The following ALDH1L2 variants were observed in gnomAD, a reference collection of about 807,000 sequenced individuals.
ALDH1L2 encodes mitochondrial 10-formyltetrahydrofolate dehydrogenase.
In ALDH1L2, 91 loss-of-function variants were observed where a neutral mutation model predicts 111.0. The observed-to-expected ratio is 0.82, with a 90% CI of 0.69 to 0.98. The LOEUF is 0.98. ALDH1L2 is among the 50% of genes least tolerant of loss of function. The pLI is 0.00. For missense variants in ALDH1L2, 995 were observed against 1,126.8 expected (o/e 0.88, Z 1.67); for synonymous variants, 374 against 392.6 (o/e 0.95, Z 0.56).
rs531382969 is a variant in ALDH1L2 at position 105,052,518 on chromosome 12, A to G, written c.1407+294T>C. Reference sequence around the variant, plus strand: ...TGAATTTCTTGCCATGAGTCTTCAAAGTCTGGAAAGTTTTTTCACATATAT... The same window carrying G: ...TGAATTTCTTGCCATGAGTCTTCAAGGTCTGGAAAGTTTTTTCACATATAT... On this transcript the variant is annotated intron_variant, in intron 11 of 22. Transcript: ENST00000258494. Among the ~76,000 whole-genome samples the G allele has an allele frequency of 3.9e-5, 6 of 152,308 alleles. No homozygotes were observed. The East Asian group carries it at 9.6e-4, about 24-fold the overall frequency.
intron 1 of ALDH1L2, among the ~76,000 whole-genome samples, chr12:105,083,219 C>T (rs897722274): frequency 7.2e-5 from 11 of 152,224 alleles, no homozygotes; most frequent in African/African-American, 2.7e-4. Flanking sequence ...GGGCACAGCC[C>T]GTTGCTTTCT....
intron 1 of ALDH1L2, among the ~76,000 whole-genome samples, chr12:105,074,457 C>CAAAAAAAAAAAAAAAAA (rs1565974203): frequency 3.2e-5 from 3 of 93,664 alleles, no homozygotes; most frequent in African/African-American, 6.7e-5. Flanking sequence ...GACTCTGTCT[C>CAAAAAAAAAAAAAAAAA]CAAAAAAAAA....
chr12:105,039,722 A>G lies in ALDH1L2; in HGVS notation c.2036T>C (p.Ile679Thr), dbSNP rs1020575017. The G allele has an allele frequency of 6.2e-7, 1 of 1,613,756 alleles. No homozygotes were observed. Among genetic ancestry groups the G allele is most frequent in the Non-Finnish European group, 8.5e-7 (1 of 1,179,672 alleles). ...FTGSTPIGKQIMKSCAVSNLK... is the reference protein window; with the variant it reads ...FTGSTPIGKQTMKSCAVSNLK... ...ATTTTAAAACCAATACCTCTTCATG[A>G]TCTGTTTGCCAATAGGAGTGGATCC... is the stretch of plus-strand genomic sequence containing the variant. The change falls in exon 17 of 23, where the codon ATC (isoleucine) becomes ACC (threonine). Residue 679 changes from isoleucine to threonine, a missense_variant. Physicochemically the swap from Ile to Thr is moderately conservative, Grantham distance 89. Coordinates refer to ENST00000258494, the MANE Select transcript of ALDH1L2 (RefSeq NM_001034173.4).
chr12:105,064,164 G>GTTTTTTTTT (rs1877205655), intron 6 of ALDH1L2, among the ~76,000 whole-genome samples: 6 of 84,884 alleles, frequency 7.1e-5, no homozygotes, highest in African/African-American at 9.6e-5. Flanking sequence ...TGTATTTTTA[G>GTTTTTTTTT]TAGAGACAGG....
chr12:105,039,679 G>A, intron 17 of ALDH1L2, 34 bp downstream of exon 17: 1 of 1,579,810 alleles, frequency 6.3e-7, no homozygotes, highest in Non-Finnish European at 8.7e-7. Context: ...AGTTTAACAG[G>A]ATCTGCAGTG....
At chr12:105,062,832 G>A (rs1432890347) in intron 7 of ALDH1L2, 56 bp downstream of exon 7, 1 of 1,569,690 alleles carries the variant, frequency 6.4e-7, no homozygotes. Flanking sequence ...TTAATAGCTT[G>A]GGTTATAGAA....
intron 2 of ALDH1L2, among the ~76,000 whole-genome samples, 157 bp from the exon 3 acceptor site, chr12:105,070,961 T>C (rs547241798): frequency 5.3e-5 from 8 of 152,378 alleles, no homozygotes; most frequent in South Asian, 4.1e-4. Context: ...CCTGTTGTAA[T>C]TGGATCACAC....
chr12:105,050,049 G>A lies in ALDH1L2; in HGVS notation c.1545C>T (p.Asp515=), dbSNP rs771762108. The A allele has an allele frequency of 6.3e-7, 1 of 1,592,548 alleles. No individual in the cohort carries two copies. The highest frequency in any genetic ancestry group is 1.8e-5 in the Admixed American group (1 of 55,746). The change falls in exon 13 of 23, where the codon GAC becomes GAT. Residue 515 remains aspartate (D), a synonymous_variant. Coordinates refer to ENST00000258494, the MANE Select transcript of ALDH1L2 (RefSeq NM_001034173.4). ...ERGRLMYRLA[D]LLEENQEELA... ...GCTCTTCTTGGTTCTCTTCCAGTAG[G>A]TCTGCAAGTCTGTGTGGTCAGTGAA...
chr12:105,036,437 T>TATTA (rs1491221845), intron 18 of ALDH1L2, among the ~76,000 whole-genome samples: 5 of 104,178 alleles, frequency 4.8e-5, no homozygotes, highest in African/African-American at 7.3e-5. Flanking sequence ...TGTGTATATA[T>TATTA]TATATATATC....
At position 105,068,841 on chromosome 12, in the gene ALDH1L2, A is replaced by G. The variant is rs1032815383; in HGVS notation, c.472T>C (p.Trp158Arg). 1 of 1,592,310 alleles carries G rather than the reference A, an allele frequency of 6.3e-7. No individual in the cohort carries two copies. Among genetic ancestry groups the G allele is most frequent in the Non-Finnish European group, 8.5e-7 (1 of 1,172,764 alleles). The stretch of plus-strand genomic sequence containing the variant: ...CCTGTATCCAAGCCATCATCAGCCC[A>G]GAAAACAGAAAACCCAGCTTTCTTA... ...GDKKAGFSVF[W>R]ADDGLDTGPI... Residue 158 changes from tryptophan (W) to arginine (R), a missense_variant, in exon 4 of 23, where the codon TGG (tryptophan) becomes CGG (arginine). Coordinates refer to ENST00000258494, the MANE Select transcript of ALDH1L2 (RefSeq NM_001034173.4).
rs1565974203 is a variant in ALDH1L2 at position 105,074,457 on chromosome 12, C to CAAAAAAAAAAA, written c.49-453_49-452insTTTTTTTTTTT. 6.4e-4 allele frequency among the ~76,000 whole-genome samples: 60 copies of CAAAAAAAAAAA among 93,472 alleles called. 1 individual carries two copies. The highest frequency in any genetic ancestry group is 4.8e-3 in the Middle Eastern group (1 of 210). The allele number at this position is 93,472 out of a possible 152,430, so 61.3% of individuals were successfully genotyped here. On this transcript the variant is annotated intron_variant, in intron 1 of 22. Transcript: ENST00000258494. ...TGAGTGACAGAGCAAGACTCTGTCT[C>CAAAAAAAAAAA]CAAAAAAAAAAAAAAAAAAAAAAAA...
At chr12:105,043,395 C>A (rs1052713543) in intron 15 of ALDH1L2, among the ~76,000 whole-genome samples, 1 of 152,190 alleles carries the variant, frequency 6.6e-6, no homozygotes, top group African/African-American at 2.4e-5. Context: ...CACCACTTTT[C>A]CTCCTTCTAG....
chr12:105,043,344 T>C (rs1329902081), intron 15 of ALDH1L2, among the ~76,000 whole-genome samples: 1 of 152,190 alleles, frequency 6.6e-6, no homozygotes, highest in Non-Finnish European at 1.5e-5. Flanking sequence ...AACTGCACAA[T>C]AAATAATAAT....
At chr12:105,057,522 G>A (rs552957676) in intron 10 of ALDH1L2, among the ~76,000 whole-genome samples, 31 of 152,256 alleles carry the variant, frequency 2.0e-4, no homozygotes, top group African/African-American at 7.2e-4. Context: ...TACATCAACT[G>A]ATGAATGGGT....
intron 18 of ALDH1L2, among the ~76,000 whole-genome samples, chr12:105,035,969 ATG>A (rs1874984642): frequency 8.1e-6 from 1 of 122,782 alleles, no homozygotes; most frequent in Non-Finnish European, 1.6e-5. Flanking sequence ...GTATATTTAT[ATG>A]TGTATATATA....
At chr12:105,066,495 A>T in intron 5 of ALDH1L2, 73 bp downstream of exon 5, 1 of 1,402,478 alleles carries the variant, frequency 7.1e-7, no homozygotes, top group Non-Finnish European at 1.0e-6. Context: ...GCAAGATCAT[A>T]GTATGTGGGG....
chr12:105,066,685 T>A lies in ALDH1L2; in HGVS notation c.595-16A>T. On this transcript the variant is annotated splice_polypyrimidine_tract_variant and intron_variant, in intron 4 of 22. Transcript: ENST00000258494. ...CAGCTTCTACCTAAGGCCAAAGACA[T>A]CACCTGTGTTACAGCCCAATGATCA... The A allele has an allele frequency of 4.4e-6, 7 of 1,606,710 alleles. No homozygotes were observed. The highest frequency in any genetic ancestry group is 6.0e-6 in the Non-Finnish European group (7 of 1,173,368).
At chr12:105,037,363 G>T (rs549816048) in intron 18 of ALDH1L2, among the ~76,000 whole-genome samples, 9 of 152,116 alleles carry the variant, frequency 5.9e-5, no homozygotes, top group Non-Finnish European at 1.3e-4. Flanking sequence ...ATAGTACATT[G>T]TTAAAACCAG....
At chr12:105,073,437 C>T (rs1475261973) in intron 2 of ALDH1L2, among the ~76,000 whole-genome samples, 1 of 152,156 alleles carries the variant, frequency 6.6e-6, no homozygotes. Flanking sequence ...GGACCAGGCA[C>T]TAAGGAAGAG....
Sources: allele counts gnomAD v4.1 joint callset (sites outside exome capture counted in the v4.1 genomes callset), GRCh38; gene constraint gnomAD v4.1.1; transcripts MANE v1.5; gene names NCBI Gene and HGNC (gene_info 2026-07-23, HGNC 2026-07-21).